The following CCDC178 variants were observed in gnomAD, a reference collection of about 807,000 sequenced individuals.
The protein encoded by CCDC178 is coiled-coil domain containing 178.
CCDC178 carries 126 observed loss-of-function variants against 117.4 expected under a neutral mutation model. That is an observed-to-expected ratio of 1.07 (90% CI 0.93 to 1.24). The LOEUF (loss-of-function observed/expected upper bound fraction) is 1.24, where lower values mean the gene tolerates loss of function less well. Among genes scored for constraint, CCDC178 ranks in the 50% most tolerant of loss-of-function variants. The pLI is 0.00. For synonymous variants in CCDC178, 283 were observed against 313.4 expected, an observed-to-expected ratio of 0.90 and a Z score of 1.02; for missense variants, 1,030 against 986.9, an observed-to-expected ratio of 1.04 and a Z score of -0.59.
intron 7 of CCDC178, among the ~76,000 whole-genome samples, chr18:33,352,993 T>TGGAAGTG (rs796857373): frequency 1.1e-4 from 17 of 152,244 alleles, no homozygotes; most frequent in African/African-American, 4.1e-4. Context: ...TATCCATTAT[T>TGGAAGTG]GGAAGTGGGG....
chr18:33,005,164 C>T (rs1431803153), intron 21 of CCDC178, among the ~76,000 whole-genome samples: 1 of 152,106 alleles, frequency 6.6e-6, no homozygotes, highest in East Asian at 1.9e-4. Flanking sequence ...TATCTGCACT[C>T]TCATGTTTAC....
intron 16 of CCDC178, 71 bp downstream of exon 16, chr18:33,226,722 G>A (rs1568070905): frequency 7.0e-6 from 8 of 1,138,442 alleles, no homozygotes; most frequent in Non-Finnish European, 1.0e-5. Context: ...CCTCATTACA[G>A]GCAAATTTAA....
intron 5 of CCDC178, among the ~76,000 whole-genome samples, chr18:33,370,818 C>T (rs995266951): frequency 2.6e-5 from 4 of 152,030 alleles, no homozygotes; most frequent in African/African-American, 9.7e-5. Context: ...TCCACTCAGT[C>T]CGATGTGCCT....
chr18:33,109,199 T>C (rs1373285415), intron 20 of CCDC178, among the ~76,000 whole-genome samples: 2 of 151,738 alleles, frequency 1.3e-5, no homozygotes, highest in South Asian at 2.1e-4. Flanking sequence ...CTTTCAAGAA[T>C]ACTAACCCAC....
At chr18:32,992,723 T>C (rs995539414) in intron 21 of CCDC178, among the ~76,000 whole-genome samples, 8 of 152,334 alleles carry the variant, frequency 5.3e-5, no homozygotes, top group African/African-American at 1.7e-4. Context: ...TTAATTAGCT[T>C]GACTGAATCT....
At chr18:32,962,829 A>G (rs2054733779) in intron 22 of CCDC178, among the ~76,000 whole-genome samples, 2 of 152,074 alleles carry the variant, frequency 1.3e-5, no homozygotes, top group Admixed American at 6.6e-5. Context: ...TGCACTCACC[A>G]TCGGCAGATA....
intron 11 of CCDC178, among the ~76,000 whole-genome samples, chr18:33,302,374 AAAAT>A (rs1203593822): frequency 1.3e-5 from 2 of 152,256 alleles, no homozygotes; most frequent in African/African-American, 4.8e-5. Flanking sequence ...AGAATGCAAA[AAAAT>A]AAATAAATAA....
At chr18:33,206,587 G>C (rs1012995932) in intron 20 of CCDC178, among the ~76,000 whole-genome samples, 3 of 151,846 alleles carry the variant, frequency 2.0e-5, no homozygotes, top group African/African-American at 7.3e-5. Flanking sequence ...CATAAATCTT[G>C]TTAAAATAAT....
At chr18:33,158,411 A>T (rs977938426) in intron 20 of CCDC178, among the ~76,000 whole-genome samples, 2 of 152,124 alleles carry the variant, frequency 1.3e-5, no homozygotes, top group South Asian at 4.1e-4. Flanking sequence ...TTTCCATAGA[A>T]TTATCTAAAA....
chr18:33,180,479 G>C (rs1455431696), intron 20 of CCDC178, among the ~76,000 whole-genome samples: 1 of 151,658 alleles, frequency 6.6e-6, no homozygotes, highest in African/African-American at 2.4e-5. Context: ...AATCCAATGA[G>C]TCATACTAAA....
At chr18:33,246,422 T>C (rs1457057659) in intron 14 of CCDC178, among the ~76,000 whole-genome samples, 1 of 151,776 alleles carries the variant, frequency 6.6e-6, no homozygotes, top group Non-Finnish European at 1.5e-5. Flanking sequence ...TTGGGGTGAA[T>C]ACACATGATT....
rs1568069242 is a variant in CCDC178 at position 33,224,757 on chromosome 18, GATTA to G, written c.1818+14_1818+17del. On this transcript the variant is annotated intron_variant, in intron 17 of 22. Transcript: ENST00000383096. ...ATATATTTCTGCACATTAATTTTTG[GATTA>G]ATTAAATGCTTACAACAGAATGTTC... 2.1e-6 allele frequency: 3 copies of G among 1,407,054 alleles called. No individual in the cohort carries two copies. The highest frequency in any genetic ancestry group is 2.8e-6 in the Non-Finnish European group (3 of 1,057,280). 87.2% of individuals were successfully genotyped at this position (1,407,054 alleles called of 1,614,324 possible). A position where few individuals can be genotyped will look rare whatever the true frequency, so the allele number is the denominator to read the frequency against.
chr18:33,264,437 T>G (rs1290116257), intron 14 of CCDC178, among the ~76,000 whole-genome samples: 1 of 152,082 alleles, frequency 6.6e-6, no homozygotes, highest in African/African-American at 2.4e-5. Context: ...CTCTTTCACT[T>G]TATTTTACTG....
At chr18:33,113,349 T>C (rs1330607923) in intron 20 of CCDC178, among the ~76,000 whole-genome samples, 1 of 152,086 alleles carries the variant, frequency 6.6e-6, no homozygotes, top group Non-Finnish European at 1.5e-5. Context: ...TTATTTATTT[T>C]AGTTGGAAAG....
chr18:33,021,932 T>A (rs889304551), intron 21 of CCDC178, among the ~76,000 whole-genome samples: 16 of 152,186 alleles, frequency 1.1e-4, no homozygotes, highest in Non-Finnish European at 2.1e-4. Context: ...TTATATTTTT[T>A]AAATTATTTT....
chr18:33,156,334 C>T (rs1170308302), intron 20 of CCDC178, among the ~76,000 whole-genome samples: 2 of 151,196 alleles, frequency 1.3e-5, no homozygotes, highest in Non-Finnish European at 3.0e-5. Flanking sequence ...GTGATCCGCC[C>T]GCCTCTGCCT....
At chr18:33,108,949 T>G (rs2057743670) in intron 20 of CCDC178, among the ~76,000 whole-genome samples, 1 of 151,708 alleles carries the variant, frequency 6.6e-6, no homozygotes, top group African/African-American at 2.4e-5. Flanking sequence ...TATCAAGGTC[T>G]TGCTTCTTCC....
chr18:33,239,476 T>C (rs1382424540), intron 15 of CCDC178, among the ~76,000 whole-genome samples: 2 of 147,294 alleles, frequency 1.4e-5, no homozygotes, highest in African/African-American at 5.0e-5. Flanking sequence ...TAACCTGTAA[T>C]GACACAAAGA....
At chr18:33,127,272 G>A (rs747993486) in intron 20 of CCDC178, among the ~76,000 whole-genome samples, 1 of 151,910 alleles carries the variant, frequency 6.6e-6, no homozygotes. Context: ...CACTTTCATA[G>A]TAACACTACA....
Sources: gnomAD v4.1 joint callset for allele counts (sites outside exome capture counted in the v4.1 genomes callset) on GRCh38, gnomAD v4.1.1 for gene constraint, MANE v1.5 for transcripts, NCBI Gene and HGNC (gene_info 2026-07-23, HGNC 2026-07-21) for gene names.